Variants in SLC25A18 observed in about 807,000 individuals in gnomAD.
SLC25A18 encodes the protein solute carrier family 25 member 18.
A neutral mutation model predicts 31.1 loss-of-function variants in SLC25A18; 24 were observed. The observed-to-expected ratio is 0.77, with a 90% confidence interval of 0.56 to 1.08. The LOEUF (loss-of-function observed/expected upper bound fraction) is 1.08, where lower values mean the gene tolerates loss of function less well. Among genes scored for constraint, SLC25A18 ranks in the 50% least tolerant of loss-of-function variants. The pLI, the probability that SLC25A18 is intolerant of heterozygous loss-of-function variation, is 0.00. For synonymous variants in SLC25A18, 173 were observed against 161.9 expected (o/e 1.07, Z -0.52); for missense variants, 371 against 418.5 (o/e 0.89, Z 0.99).
At chr22:17,580,767 G>C in intron 3 of SLC25A18, 1 of 1,213,286 alleles carries the variant, frequency 8.2e-7, no homozygotes, top group African/African-American at 1.6e-5. Context: ...CCTGGTGGCG[G>C]CCCATGGGGG....
rs2057581825 is a variant in SLC25A18, at chr22:17,587,393, C to A, written c.575+92C>A. 10 of 1,439,224 alleles carry A rather than the reference C, an allele frequency of 6.9e-6. No individual in the cohort carries two copies. In the South Asian group the frequency reaches 1.2e-4, roughly 17 times the overall value. The allele number at this position is 1,439,224 out of a possible 1,614,324, so 89.2% of individuals were successfully genotyped here. A position where few individuals can be genotyped will look rare whatever the true frequency, so the allele number is the denominator to read the frequency against. Reference sequence around the variant, plus strand: ...TGTCCCTATCTGCCTCTGTGTCCTTCCCAGAATATCCAAACCCAGGTGAGC... The same window carrying A: ...TGTCCCTATCTGCCTCTGTGTCCTTACCAGAATATCCAAACCCAGGTGAGC... On this transcript the variant is annotated intron_variant, in intron 8 of 10. Transcript: ENST00000327451.
intron 2 of SLC25A18, among the ~76,000 whole-genome samples, chr22:17,577,674 A>G (rs587638457): frequency 1.6e-4 from 16 of 102,940 alleles, no homozygotes; most frequent in East Asian, 1.1e-3. Context: ...TCTGCCTCCC[A>G]GGTTCATGCC....
intron 2 of SLC25A18, among the ~76,000 whole-genome samples, chr22:17,572,704 C>T (rs577511162): frequency 3.2e-5 from 4 of 125,426 alleles, no homozygotes; most frequent in Admixed American, 7.9e-5. Context: ...TGCAGTGGCG[C>T]GATCTCGGCT....
At chr22:17,573,607 C>T (rs773275780) in intron 2 of SLC25A18, among the ~76,000 whole-genome samples, 40 of 152,246 alleles carry the variant, frequency 2.6e-4, no homozygotes, top group Non-Finnish European at 5.0e-4. Flanking sequence ...TGACTTCCTT[C>T]CCACAGTGCT....
rs1343273803 is a variant in SLC25A18 at position 17,579,779 on chromosome 22, G to A, written c.-166G>A. The A allele has an allele frequency of 7.1e-7, 1 of 1,408,822 alleles. No individual in the cohort carries two copies. The highest frequency in any genetic ancestry group is 2.6e-5 in the East Asian group (1 of 37,956). The allele number at this position is 1,408,822 out of a possible 1,614,324, so 87.3% of individuals were successfully genotyped here. On this transcript the variant is annotated 5_prime_UTR_variant, in exon 3 of 11. Coordinates refer to ENST00000327451, the MANE Select transcript of SLC25A18 (RefSeq NM_031481.3). ...CCGCAGCCCAAGGAGGTCGTCACTT[G>A]CCGGGAAGGTGGCTCGGGCCAGGCT...
At position 17,567,070 on chromosome 22, in the gene SLC25A18, G is replaced by C. The variant is rs564532854; in HGVS notation, c.-263-2854G>C. On this transcript the variant is annotated intron_variant, in intron 1 of 10. Transcript: ENST00000327451. Reference sequence around the variant, plus strand: ...GCAGCTACTTGGGAGGCTGAGGTGAGAGGATGGCTTGAGCTCAGAAGGTCA... The same window carrying C: ...GCAGCTACTTGGGAGGCTGAGGTGACAGGATGGCTTGAGCTCAGAAGGTCA... Among the ~76,000 whole-genome samples, 34 of 152,352 alleles carry C rather than the reference G, an allele frequency of 2.2e-4. 1 individual carries two copies. The highest frequency in any genetic ancestry group is 3.4e-3 in the Middle Eastern group (1 of 294).
chr22:17,575,540 C>G (rs1296812), intron 2 of SLC25A18, among the ~76,000 whole-genome samples: 22,433 of 152,082 alleles, frequency 0.15, 2,089 homozygotes, highest in Non-Finnish European at 0.21. Context: ...GTAAAATGCC[C>G]CTAAAAGAGG....
rs79161296 is a variant in SLC25A18, at chr22:17,566,887, G to A, written c.-263-3037G>A. Among the ~76,000 whole-genome samples the A allele has an allele frequency of 4.5e-3, 688 of 152,314 alleles. 4 individuals are homozygous for A. Among genetic ancestry groups the A allele is most frequent in the African/African-American group, 0.014 (597 of 41,566 alleles). On this transcript the variant is annotated intron_variant, in intron 1 of 10. Coordinates refer to ENST00000327451, the MANE Select transcript of SLC25A18 (RefSeq NM_031481.3). ...GGAAGAAAATTAGCATGGGCCGGCCGTGATGGCTCACACCTGTAATCTCAG... is the reference window on the plus strand; with the variant it reads ...GGAAGAAAATTAGCATGGGCCGGCCATGATGGCTCACACCTGTAATCTCAG...
intron 7 of SLC25A18, among the ~76,000 whole-genome samples, chr22:17,585,638 A>T (rs569487088): frequency 9.1e-5 from 12 of 131,460 alleles, no homozygotes; most frequent in African/African-American, 3.8e-4. Flanking sequence ...TTATTTTATT[A>T]TTATTATTAT....
At chr22:17,572,814 T>TG (rs2057132137) in intron 2 of SLC25A18, among the ~76,000 whole-genome samples, 1 of 151,274 alleles carries the variant, frequency 6.6e-6, no homozygotes, top group African/African-American at 2.4e-5. Flanking sequence ...GCTAATTTTT[T>TG]GTATTTTTAG....
chr22:17,565,321 T>G (rs2056907906), intron 1 of SLC25A18, among the ~76,000 whole-genome samples: 1 of 152,010 alleles, frequency 6.6e-6, no homozygotes, highest in Non-Finnish European at 1.5e-5. Flanking sequence ...GACCTCGTGA[T>G]CCACCCACCT....
intron 9 of SLC25A18, chr22:17,588,711 G>A (rs2057624868): frequency 6.6e-6 from 1 of 152,088 alleles, no homozygotes; most frequent in Non-Finnish European, 1.5e-5. Flanking sequence ...GGCATGAGAA[G>A]ACAATGCTTC....
At chr22:17,573,144 T>G (rs2146219780) in intron 2 of SLC25A18, among the ~76,000 whole-genome samples, 1 of 152,292 alleles carries the variant, frequency 6.6e-6, no homozygotes, top group Middle Eastern at 3.4e-3. Flanking sequence ...TTCTACTATT[T>G]TTTCTATTAC....
At chr22:17,577,578 TA>T (rs2057261313) in intron 2 of SLC25A18, among the ~76,000 whole-genome samples, 3 of 130,070 alleles carry the variant, frequency 2.3e-5, no homozygotes, top group Non-Finnish European at 3.3e-5. Context: ...GTGTCCTGTC[TA>T]TTTTTTTTTT....
intron 2 of SLC25A18, among the ~76,000 whole-genome samples, chr22:17,576,327 C>A (rs566364908): frequency 2.6e-5 from 4 of 151,484 alleles, no homozygotes; most frequent in African/African-American, 9.7e-5. Context: ...GCACTCCAGC[C>A]TGGACGACAG....
At position 17,590,344 on chromosome 22, in the gene SLC25A18, T is replaced by C; in HGVS notation, c.*108T>C. ...GGCCACTCTGGCCTGCCTGGTCCTCTGCGTTGTAGTGCTACCTCAATCTCG... is the reference window on the plus strand; with the variant it reads ...GGCCACTCTGGCCTGCCTGGTCCTCCGCGTTGTAGTGCTACCTCAATCTCG... On this transcript the variant is annotated 3_prime_UTR_variant, in exon 11 of 11. Transcript: ENST00000327451. 7.7e-7 allele frequency: 1 copy of C among 1,304,406 alleles called. No individual in the cohort carries two copies. The highest frequency in any genetic ancestry group is 1.1e-6 in the Non-Finnish European group (1 of 937,808). 80.8% of individuals were successfully genotyped at this position (1,304,406 alleles called of 1,614,324 possible).
Position 17,581,365 on chromosome 22 carries a change from T to C in SLC25A18, c.151T>C (p.Cys51Arg). ...TCTGGCCTCTGCTTCCAGGATCGAC[T>C]GCCTGATGAAGACGGCTCGGGCGGA... is the stretch of plus-strand genomic sequence containing the variant. ...GKAMYKGMID[C>R]LMKTARAEGF... is the part of the protein sequence containing the mutation. Residue 51 changes from cysteine (C) to arginine (R), a missense_variant, in exon 5 of 11, where the codon TGC (cysteine) becomes CGC (arginine). Cys to Arg is a radical substitution (Grantham distance 180). Coordinates refer to ENST00000327451, the MANE Select transcript of SLC25A18 (RefSeq NM_031481.3). The C allele has an allele frequency of 6.2e-7, 1 of 1,614,116 alleles. No homozygotes were observed. Among genetic ancestry groups the C allele is most frequent in the Non-Finnish European group, 8.5e-7 (1 of 1,179,996 alleles).
intron 2 of SLC25A18, among the ~76,000 whole-genome samples, chr22:17,571,515 T>G (rs111839839): frequency 0.015 from 2,281 of 152,248 alleles, 67 homozygotes; most frequent in African/African-American, 0.052. Flanking sequence ...GGCTCAGGCC[T>G]GTAATTCCAG....
At chr22:17,578,000 G>C (rs545681928) in intron 2 of SLC25A18, among the ~76,000 whole-genome samples, 1 of 146,948 alleles carries the variant, frequency 6.8e-6, no homozygotes, top group East Asian at 2.1e-4. Context: ...TTCTTCTTTG[G>C]GGGGCATAGG....
Sources: allele counts gnomAD v4.1 joint callset (sites outside exome capture counted in the v4.1 genomes callset), GRCh38; gene constraint gnomAD v4.1.1; transcripts MANE v1.5; gene names NCBI Gene and HGNC (gene_info 2026-07-23, HGNC 2026-07-21).